The following CTNND2 variants were observed in gnomAD, a reference collection of about 807,000 sequenced individuals.
The protein encoded by CTNND2 is catenin delta 2, also known as catenin delta-2.
In CTNND2, 22 loss-of-function variants were observed where a neutral mutation model predicts 144.4. That is an observed-to-expected ratio of 0.15 (90% confidence interval 0.11 to 0.22). CTNND2 has a LOEUF of 0.22. Ranked by LOEUF, CTNND2 falls within the 10% of genes least tolerant of loss-of-function variation. The probability of loss-of-function intolerance (pLI) is 1.00; values close to 1 mark genes in which losing one functional copy is unlikely to be tolerated. For synonymous variants in CTNND2, 751 were observed against 695.6 expected, an observed-to-expected ratio of 1.08 and a Z score of -1.25; for missense variants, 1,353 against 1,618.8, an observed-to-expected ratio of 0.84 and a Z score of 2.82.
At chr5:11,658,300 A>T (rs1783017669) in intron 2 of CTNND2, among the ~76,000 whole-genome samples, 1 of 152,060 alleles carries the variant, frequency 6.6e-6, no homozygotes, top group Non-Finnish European at 1.5e-5. Flanking sequence ...AACCTCGTCC[A>T]AGTAACCTTT....
At chr5:11,561,843 A>G (rs1388454276) in intron 3 of CTNND2, among the ~76,000 whole-genome samples, 1 of 152,138 alleles carries the variant, frequency 6.6e-6, no homozygotes, top group Non-Finnish European at 1.5e-5. Flanking sequence ...GGAGTTCGAG[A>G]CCAGCCTGGC....
At chr5:11,223,198 C>T (rs1228043116) in intron 10 of CTNND2, among the ~76,000 whole-genome samples, 2 of 152,172 alleles carry the variant, frequency 1.3e-5, no homozygotes, top group East Asian at 1.9e-4. Context: ...TGCAGGAACA[C>T]GTCTAAATCC....
chr5:11,607,431 GA>G (rs1044789069), intron 2 of CTNND2, among the ~76,000 whole-genome samples: 4 of 152,072 alleles, frequency 2.6e-5, no homozygotes, highest in South Asian at 2.1e-4. Context: ...AATATGGCAA[GA>G]AAAAAATAAT....
Position 11,578,000 on chromosome 5 carries a change from C to T in CTNND2, c.175-12944G>A, listed in dbSNP as rs1259884832. Among the ~76,000 whole-genome samples, 4 of 152,152 alleles carry T rather than the reference C, an allele frequency of 2.6e-5. No homozygotes were observed. In the East Asian group the frequency reaches 7.7e-4, roughly 29 times the overall value. ...GTAATTAGGCAAACACAATAAAGTC[C>T]ACTGGGGCTATGGACACCAGTAGAT... On this transcript the variant is annotated intron_variant, in intron 2 of 21. Transcript: ENST00000304623.
intron 1 of CTNND2, among the ~76,000 whole-genome samples, chr5:11,745,542 C>T (rs750306499): frequency 6.6e-6 from 1 of 152,182 alleles, no homozygotes; most frequent in Non-Finnish European, 1.5e-5. Context: ...ATGTCTACCT[C>T]TAGCTGAGAC....
At chr5:11,409,399 C>G (rs920156594) in intron 5 of CTNND2, among the ~76,000 whole-genome samples, 1 of 151,900 alleles carries the variant, frequency 6.6e-6, no homozygotes, top group Non-Finnish European at 1.5e-5. Context: ...ATAAATAAAA[C>G]CTTTAAAAGT....
At chr5:11,240,324 CACACCCAACACACAT>C (rs1400341715) in intron 9 of CTNND2, among the ~76,000 whole-genome samples, 13 of 121,748 alleles carry the variant, frequency 1.1e-4, no homozygotes, top group Admixed American at 8.6e-5. Flanking sequence ...CCAACACACA[CACACCCAACACACAT>C]ACACCCAACA....
intron 9 of CTNND2, among the ~76,000 whole-genome samples, chr5:11,341,985 G>C (rs1754319402): frequency 6.6e-6 from 1 of 152,188 alleles, no homozygotes; most frequent in African/African-American, 2.4e-5. Flanking sequence ...ACTCCAGCCT[G>C]GGTGACAGGG....
At chr5:11,845,709 T>G (rs753154567) in intron 1 of CTNND2, among the ~76,000 whole-genome samples, 53 of 152,214 alleles carry the variant, frequency 3.5e-4, no homozygotes, top group Non-Finnish European at 6.0e-4. Context: ...ACAGAAGGGC[T>G]AGCACACTAA....
At chr5:11,041,144 C>G (rs972074302) in intron 16 of CTNND2, among the ~76,000 whole-genome samples, 1 of 152,148 alleles carries the variant, frequency 6.6e-6, no homozygotes, top group African/African-American at 2.4e-5. Flanking sequence ...AATCACATTC[C>G]CTCATTCTTG....
At chr5:11,091,022 G>A (rs1230192893) in intron 15 of CTNND2, among the ~76,000 whole-genome samples, 2 of 151,974 alleles carry the variant, frequency 1.3e-5, no homozygotes, top group Admixed American at 6.6e-5. Context: ...GGCTGTTTAA[G>A]CTGCTTTGAT....
At chr5:11,307,116 T>C (rs1487243530) in intron 9 of CTNND2, among the ~76,000 whole-genome samples, 1 of 152,084 alleles carries the variant, frequency 6.6e-6, no homozygotes, top group Non-Finnish European at 1.5e-5. Flanking sequence ...TTTTTTTTTT[T>C]CTGAATTACC....
At chr5:10,982,004 T>C (rs1737342756) in intron 20 of CTNND2, among the ~76,000 whole-genome samples, 158 bp from the exon 21 acceptor site, 1 of 152,088 alleles carries the variant, frequency 6.6e-6, no homozygotes, top group Non-Finnish European at 1.5e-5. Context: ...TCATTTTACA[T>C]ACAGATATTA....
intron 6 of CTNND2, 35 bp from the exon 7 acceptor site, chr5:11,385,264 G>T: frequency 9.5e-7 from 1 of 1,055,842 alleles, no homozygotes. Flanking sequence ...CGCGCACTTA[G>T]CGAGGGAGAA....
intron 10 of CTNND2, among the ~76,000 whole-genome samples, chr5:11,231,373 A>T (rs944893491): frequency 2.0e-5 from 3 of 152,168 alleles, no homozygotes; most frequent in Admixed American, 6.5e-5. Context: ...ATATAGAAGT[A>T]CAAAAGTTTG....
At chr5:10,981,681 G>T in intron 21 of CTNND2, 92 bp downstream of exon 21, 1 of 1,244,340 alleles carries the variant, frequency 8.0e-7, no homozygotes, top group Non-Finnish European at 1.2e-6. Flanking sequence ...AGTTCTTTAT[G>T]TATGTTGGAT....
chr5:11,846,429 T>C (rs1794739527), intron 1 of CTNND2, among the ~76,000 whole-genome samples: 1 of 152,098 alleles, frequency 6.6e-6, no homozygotes, highest in Admixed American at 6.5e-5. Context: ...TCTCACCATA[T>C]ACAAAAATCA....
intron 1 of CTNND2, among the ~76,000 whole-genome samples, chr5:11,782,864 A>G (rs1307452732): frequency 1.3e-5 from 2 of 152,212 alleles, no homozygotes; most frequent in East Asian, 3.8e-4. Context: ...GGACCGAGTA[A>G]ATAATCACAC....
chr5:11,243,692 T>G lies in CTNND2; in HGVS notation c.1629-6869A>C, dbSNP rs188253565. 4.4e-3 allele frequency among the ~76,000 whole-genome samples: 671 copies of G among 152,248 alleles called. 3 individuals are homozygous for G. The highest frequency in any genetic ancestry group is 0.015 in the African/African-American group (643 of 41,528). ...CTCACTCTTACATGGGCTATCTGAG[T>G]TGTTAAAATCAAAACGCTCAGCACA... On this transcript the variant is annotated intron_variant, in intron 9 of 21. Coordinates refer to ENST00000304623, the MANE Select transcript of CTNND2 (RefSeq NM_001332.4).
Sources: allele counts gnomAD v4.1 joint callset (sites outside exome capture counted in the v4.1 genomes callset), GRCh38; gene constraint gnomAD v4.1.1; transcripts MANE v1.5; gene names NCBI Gene and HGNC (gene_info 2026-07-23, HGNC 2026-07-21).